Variants in REPS1 observed in about 807,000 individuals in gnomAD.
REPS1 encodes the protein ralBP1-associated Eps domain-containing protein 1.
In REPS1, 39 loss-of-function variants were observed where a neutral mutation model predicts 100.9. That is an observed-to-expected ratio of 0.39 (90% CI 0.30 to 0.50). The LOEUF is 0.50. Among genes scored for constraint, REPS1 ranks in the 20% least tolerant of loss-of-function variants. REPS1 has a pLI of 0.86. For missense variants in REPS1, 821 were observed against 968.5 expected (o/e 0.85, Z 2.02); for synonymous variants, 324 against 340.3 (o/e 0.95, Z 0.53).
At chr6:138,905,591 GAAATGTA>G (rs1322787408) in intron 19 of REPS1, among the ~76,000 whole-genome samples, 5 of 152,186 alleles carry the variant, frequency 3.3e-5, no homozygotes, top group Admixed American at 2.0e-4. Context: ...GCGCCCGGCT[GAAATGTA>G]GTCTCTTTAT....
At chr6:138,906,881 T>C (rs770517698) in intron 19 of REPS1, among the ~76,000 whole-genome samples, 2 of 152,164 alleles carry the variant, frequency 1.3e-5, no homozygotes, top group African/African-American at 2.4e-5. Context: ...GAGTACCTAA[T>C]AATGTTGGGG....
chr6:138,952,649 C>T (rs910951512), intron 1 of REPS1, among the ~76,000 whole-genome samples: 1 of 151,902 alleles, frequency 6.6e-6, no homozygotes, highest in African/African-American at 2.4e-5. Flanking sequence ...ATCCGCCTGC[C>T]TCAGTCTCTC....
At chr6:138,976,766 G>A (rs890177171) in intron 1 of REPS1, among the ~76,000 whole-genome samples, 2 of 152,078 alleles carry the variant, frequency 1.3e-5, no homozygotes, top group African/African-American at 2.4e-5. Flanking sequence ...TATAAAGCAC[G>A]CAGAGCGGTC....
At chr6:138,975,141 G>A (rs888664108) in intron 1 of REPS1, among the ~76,000 whole-genome samples, 1 of 152,090 alleles carries the variant, frequency 6.6e-6, no homozygotes, top group African/African-American at 2.4e-5. Context: ...TGCCCAGAAG[G>A]AATGAACATG....
chr6:138,951,019 C>T, intron 1 of REPS1: 1 of 152,272 alleles, frequency 6.6e-6, no homozygotes, highest in Non-Finnish European at 1.5e-5. Flanking sequence ...GAAACCCCGT[C>T]TCTACTAAAA....
rs1785371012 is a variant in REPS1, at chr6:138,987,877, TC to T, written c.-196del. 4 of 502,674 alleles carry T rather than the reference TC, an allele frequency of 8.0e-6. No homozygotes were observed. The Admixed American group carries it at 1.4e-4, about 17-fold the overall frequency. The allele number at this position is 502,674 out of a possible 1,614,324, so 31.1% of individuals were successfully genotyped here. A position where few individuals can be genotyped will look rare whatever the true frequency, so the allele number is the denominator to read the frequency against. On this transcript the variant is annotated 5_prime_UTR_variant, in exon 1 of 20. Coordinates refer to ENST00000450536, the MANE Select transcript of REPS1 (RefSeq NM_001286611.2). ...TCGCGAGGAGGGGGCCCGGCTGCGC[TC>T]GCCGCGCCGCTGCCTGCGAGGCCCG... is the stretch of plus-strand genomic sequence containing the variant.
At chr6:138,929,940 T>A in intron 9 of REPS1, 37 bp downstream of exon 9, 1 of 1,605,574 alleles carries the variant, frequency 6.2e-7, no homozygotes, top group African/African-American at 1.3e-5. Flanking sequence ...CTTAAAAGAG[T>A]TAACTTTTAA....
At chr6:138,913,119 C>A (rs1780120739) in intron 15 of REPS1, among the ~76,000 whole-genome samples, 169 bp from the exon 16 acceptor site, 1 of 151,718 alleles carries the variant, frequency 6.6e-6, no homozygotes, top group Admixed American at 6.6e-5. Context: ...AATGATTAAA[C>A]CATAAGTGAA....
rs1185120755 is a variant in REPS1, at chr6:138,915,870, T to C, written c.1708A>G (p.Thr570Ala). ...SSSLDMNRTF[T>A]VTTGQQQAGV... Reference sequence around the variant, plus strand: ...CTCTAGCCCCTACCTGTGGTGACTGTAAAGGTCCGATTCATATCTAAAGAT... The same window carrying C: ...CTCTAGCCCCTACCTGTGGTGACTGCAAAGGTCCGATTCATATCTAAAGAT... The change falls in exon 14 of 20, where the codon ACA (threonine) becomes GCA (alanine). Residue 570 changes from threonine (T) to alanine (A), a missense_variant. Thr to Ala is a moderately conservative substitution (Grantham distance 58). This residue lies in a region of REPS1 where 757 missense variants were observed against 866.4 expected (regional missense o/e 0.87). Coordinates refer to ENST00000450536, the MANE Select transcript of REPS1 (RefSeq NM_001286611.2). 2 of 1,608,658 alleles carry C rather than the reference T, an allele frequency of 1.2e-6. No individual in the cohort carries two copies. Among genetic ancestry groups the C allele is most frequent in the Non-Finnish European group, 1.7e-6 (2 of 1,175,154 alleles).
At position 138,903,899 on chromosome 6, in the gene REPS1, C is replaced by T. The variant is rs571924719; in HGVS notation, c.*1165G>A. ...TCTTGTTTACAGTAACAAAGTCTATCGGTGCAGTTTAGGACTGTGAATCTA... is the reference window on the plus strand; with the variant it reads ...TCTTGTTTACAGTAACAAAGTCTATTGGTGCAGTTTAGGACTGTGAATCTA... On this transcript the variant is annotated 3_prime_UTR_variant, in exon 20 of 20. Coordinates refer to ENST00000450536, the MANE Select transcript of REPS1 (RefSeq NM_001286611.2). 97 of 152,226 alleles carry T rather than the reference C, an allele frequency of 6.4e-4. 2 individuals are homozygous for T. The highest frequency in any genetic ancestry group is 5.8e-3 in the Admixed American group (89 of 15,288). The allele number at this position is 152,226 out of a possible 1,614,324, so 9.4% of individuals were successfully genotyped here.
chr6:138,934,344 G>A, intron 8 of REPS1: 2 of 470,782 alleles, frequency 4.2e-6, no homozygotes, highest in Non-Finnish European at 4.4e-6. Flanking sequence ...AGAAGAGCAT[G>A]AGCCTAAATT....
intron 1 of REPS1, among the ~76,000 whole-genome samples, chr6:138,961,192 A>T (rs1223218169): frequency 6.6e-6 from 1 of 152,238 alleles, no homozygotes; most frequent in East Asian, 1.9e-4. Context: ...ATCACATAAA[A>T]TATTAAAAAG....
chr6:138,940,606 A>G (rs1011163429), intron 8 of REPS1, among the ~76,000 whole-genome samples: 22 of 152,082 alleles, frequency 1.4e-4, no homozygotes, highest in Non-Finnish European at 2.8e-4. Context: ...TTAGCGGGGC[A>G]TGGTGGTGCG....
rs775964751 is a variant in REPS1, at chr6:138,944,618, A to G, written c.633T>C (p.Ser211=). ...CTGACCACACTGCATCACCAGCAGA[A>G]GAACCTATAAGGAGAATGGGTAAAC... The part of the protein sequence containing the change: ...WSPFGEAQSG[S]SAGDAVWSGH... The change falls in exon 5 of 20, where the codon TCT becomes TCC. Residue 211 remains serine (S), a synonymous_variant. Transcript: ENST00000450536. 6.2e-7 allele frequency: 1 copy of G among 1,613,426 alleles called. No homozygotes were observed. Among genetic ancestry groups the G allele is most frequent in the South Asian group, 1.1e-5 (1 of 90,878 alleles).
chr6:138,973,582 T>A (rs889837372), intron 1 of REPS1, among the ~76,000 whole-genome samples: 1 of 114,342 alleles, frequency 8.7e-6, no homozygotes, highest in Non-Finnish European at 2.0e-5. Context: ...CAGAAAGTAA[T>A]CTGACTTTCA....
chr6:138,984,258 T>A (rs1163845647), intron 1 of REPS1, among the ~76,000 whole-genome samples: 1 of 152,060 alleles, frequency 6.6e-6, no homozygotes, highest in African/African-American at 2.4e-5. Context: ...TAATTTTGTA[T>A]TTTTAGTACA....
chr6:138,937,361 G>T (rs1781916677), intron 8 of REPS1, among the ~76,000 whole-genome samples: 1 of 152,164 alleles, frequency 6.6e-6, no homozygotes, highest in African/African-American at 2.4e-5. Flanking sequence ...ACCAATACCT[G>T]TGTGTAGGTT....
At chr6:138,944,718 A>C in intron 4 of REPS1, 96 bp from the exon 5 acceptor site, 1 of 1,192,424 alleles carries the variant, frequency 8.4e-7, no homozygotes, top group Non-Finnish European at 1.2e-6. Flanking sequence ...AAATCTAACA[A>C]TTTCCAAAAT....
intron 5 of REPS1, 140 bp from the exon 6 acceptor site, chr6:138,944,155 C>T (rs113149454): frequency 2.3e-5 from 17 of 753,658 alleles, no homozygotes; most frequent in African/African-American, 1.4e-4. Context: ...CTGTTACAGT[C>T]AGATTATTGG....
Sources: gnomAD v4.1 joint callset for allele counts (sites outside exome capture counted in the v4.1 genomes callset) on GRCh38, gnomAD v4.1.1 for gene constraint, gnomAD v4.1.1 regional missense constraint, MANE v1.5 for transcripts, NCBI Gene and HGNC (gene_info 2026-07-23, HGNC 2026-07-21) for gene names.